Variants in CDK5RAP2 observed in about 807,000 individuals in gnomAD.
The protein encoded by CDK5RAP2 is CDK5 regulatory subunit-associated protein 2.
A neutral mutation model predicts 232.9 loss-of-function variants in CDK5RAP2; 147 were observed. The observed-to-expected ratio is 0.63, with a 90% CI of 0.55 to 0.72. The LOEUF (loss-of-function observed/expected upper bound fraction) is 0.72, where lower values mean the gene tolerates loss of function less well. Ranked by LOEUF, CDK5RAP2 falls within the 30% of genes least tolerant of loss-of-function variation. CDK5RAP2 has a pLI of 0.00. For synonymous variants in CDK5RAP2, 833 were observed against 833.7 expected, an observed-to-expected ratio of 1.00 and a Z score of 0.01; for missense variants, 2,195 against 2,231.5, an observed-to-expected ratio of 0.98 and a Z score of 0.33.
rs771627748 is a variant in CDK5RAP2, at chr9:120,453,676, A to C, written c.2573T>G (p.Val858Gly). 73 of 1,614,200 alleles carry C rather than the reference A, an allele frequency of 4.5e-5. No individual in the cohort carries two copies. Among genetic ancestry groups the C allele is most frequent in the Non-Finnish European group, 6.2e-5 (73 of 1,180,042 alleles). ...TACCTTGGGCACTTCGCCTGCCTTT[A>C]CTAGCTGGGCCTCACAAGACAACTT... ...ELKLSCEAQL[V>G]KAGEVPKVGL... The change falls in exon 21 of 38, where the codon GTA (valine) becomes GGA (glycine). Residue 858 changes from valine to glycine, a missense_variant. By Grantham distance (109) the Val-to-Gly change is moderately radical. Transcript: ENST00000349780.
intron 12 of CDK5RAP2, among the ~76,000 whole-genome samples, chr9:120,498,875 G>A (rs1381395910): frequency 1.3e-5 from 2 of 152,002 alleles, no homozygotes; most frequent in African/African-American, 2.4e-5. Context: ...AAATAAATAA[G>A]TAAATAAAAT....
chr9:120,439,492 T>C lies in CDK5RAP2; in HGVS notation c.3629A>G (p.Glu1210Gly). ...ENLKQQLEEQ[E>G]YKLQKEQNLN... is the part of the protein sequence containing the mutation. ...ATTCTGCTCCTTCTGCAGCTTGTATTCCTGTTCCTCCAGCTGCTGTTTGAG... is the reference window on the plus strand; with the variant it reads ...ATTCTGCTCCTTCTGCAGCTTGTATCCCTGTTCCTCCAGCTGCTGTTTGAG... Residue 1210 changes from glutamate to glycine, a missense_variant, in exon 24 of 38, where the codon GAA becomes GGA. By Grantham distance (98) the Glu-to-Gly change is moderately conservative. Coordinates refer to ENST00000349780, the MANE Select transcript of CDK5RAP2 (RefSeq NM_018249.6). The C allele has an allele frequency of 6.2e-7, 1 of 1,614,224 alleles. No individual in the cohort carries two copies. Among genetic ancestry groups the C allele is most frequent in the Non-Finnish European group, 8.5e-7 (1 of 1,180,024 alleles).
intron 8 of CDK5RAP2, among the ~76,000 whole-genome samples, chr9:120,529,747 G>C (rs1229225704): frequency 6.6e-6 from 1 of 152,216 alleles, no homozygotes; most frequent in Non-Finnish European, 1.5e-5. Context: ...GAGGTAAGCA[G>C]GTAGGGACTG....
intron 18 of CDK5RAP2, 141 bp from the exon 19 acceptor site, chr9:120,460,808 G>C (rs1348670826): frequency 7.1e-7 from 1 of 1,407,970 alleles, no homozygotes; most frequent in Non-Finnish European, 9.7e-7. Context: ...AAATGCCAAA[G>C]CCATGAAATA....
chr9:120,436,413 A>T (rs1377078500), intron 25 of CDK5RAP2, among the ~76,000 whole-genome samples: 1 of 152,244 alleles, frequency 6.6e-6, no homozygotes, highest in Non-Finnish European at 1.5e-5. Flanking sequence ...TGGAGACTGG[A>T]TCCCGGACCA....
At chr9:120,452,006 C>T (rs1204306199) in intron 21 of CDK5RAP2, among the ~76,000 whole-genome samples, 1 of 151,484 alleles carries the variant, frequency 6.6e-6, no homozygotes, top group African/African-American at 2.4e-5. Context: ...TAAAAAAATA[C>T]ATATTTTAAT....
chr9:120,401,610 C>CAAAAAAAAAAAAAAAAAA (rs142588120), intron 34 of CDK5RAP2, among the ~76,000 whole-genome samples: 1 of 61,532 alleles, frequency 1.6e-5, no homozygotes. Flanking sequence ...GACCCTGTCT[C>CAAAAAAAAAAAAAAAAAA]AAAAAAAAAA....
intron 29 of CDK5RAP2, 148 bp from the exon 30 acceptor site, chr9:120,409,464 T>G (rs975470213): frequency 2.4e-5 from 16 of 677,494 alleles, no homozygotes; most frequent in Non-Finnish European, 3.8e-5. Flanking sequence ...TTACACACTT[T>G]GGGCAGATAA....
Position 120,579,962 on chromosome 9 carries a change from A to G in CDK5RAP2, c.17T>C (p.Leu6Ser), listed in dbSNP as rs776935248. The G allele has an allele frequency of 3.1e-6, 5 of 1,612,438 alleles. No homozygotes were observed. The East Asian group carries it at 1.1e-4, about 36-fold the overall frequency. MMDLV[L>S]EEDVTVPGTL... ...CCCAGGGACGGTGACGTCCTCTTCC[A>G]ACACCAAGTCCATCATGGCTACAGA... Residue 6 changes from leucine (L) to serine (S), a missense_variant, in exon 1 of 38, where the codon TTG (leucine) becomes TCG (serine). Leu to Ser is a moderately radical substitution (Grantham distance 145). Transcript: ENST00000349780.
chr9:120,391,205 T>C (rs530560217), intron 36 of CDK5RAP2, among the ~76,000 whole-genome samples: 1 of 152,164 alleles, frequency 6.6e-6, no homozygotes, highest in East Asian at 1.9e-4. Context: ...TGAAGATGAT[T>C]GTGAAAGAGC....
chr9:120,459,805 C>G (rs1424306208), intron 19 of CDK5RAP2, among the ~76,000 whole-genome samples: 1 of 152,174 alleles, frequency 6.6e-6, no homozygotes, highest in African/African-American at 2.4e-5. Context: ...CTAAAACTAT[C>G]TACATTTTAA....
chr9:120,400,603 G>A, intron 35 of CDK5RAP2, 139 bp downstream of exon 35: 1 of 994,692 alleles, frequency 1.0e-6, no homozygotes, highest in South Asian at 1.5e-5. Context: ...TGAAGCCATG[G>A]CAAACGGTGC....
At chr9:120,561,679 C>A (rs1378270760) in intron 3 of CDK5RAP2, among the ~76,000 whole-genome samples, 5 of 152,172 alleles carry the variant, frequency 3.3e-5, no homozygotes, top group African/African-American at 1.2e-4. Flanking sequence ...TTTTCATATT[C>A]TTTTCAACCT....
chr9:120,503,003 C>T (rs2039644459), intron 12 of CDK5RAP2, among the ~76,000 whole-genome samples: 1 of 152,152 alleles, frequency 6.6e-6, no homozygotes, highest in African/African-American at 2.4e-5. Flanking sequence ...AGAACTAAGG[C>T]CCACAGAGGT....
intron 5 of CDK5RAP2, among the ~76,000 whole-genome samples, chr9:120,545,057 A>T (rs2041785179): frequency 1.3e-5 from 2 of 152,228 alleles, no homozygotes; most frequent in Non-Finnish European, 2.9e-5. Context: ...ACTACTTTTC[A>T]AATGTTTTTT....
chr9:120,528,627 T>C, intron 9 of CDK5RAP2, 117 bp downstream of exon 9: 1 of 734,178 alleles, frequency 1.4e-6, no homozygotes, highest in East Asian at 2.6e-5. Context: ...TGGCATACAG[T>C]AGCATTCAAT....
chr9:120,470,231 A>G lies in CDK5RAP2; in HGVS notation c.1859-11T>C. ...GTGAAAATGATTCTTCTGCCCAAAA[A>G]AGAAAAAAAAAAGGTGGGGAGGGGG... On this transcript the variant is annotated splice_polypyrimidine_tract_variant and intron_variant, in intron 16 of 37. Coordinates refer to ENST00000349780, the MANE Select transcript of CDK5RAP2 (RefSeq NM_018249.6). The G allele has an allele frequency of 7.2e-7, 1 of 1,386,866 alleles. No individual in the cohort carries two copies. Among genetic ancestry groups the G allele is most frequent in the Non-Finnish European group, 1.0e-6 (1 of 996,426 alleles). 85.9% of individuals were successfully genotyped at this position (1,386,866 alleles called of 1,614,324 possible).
At position 120,439,767 on chromosome 9, in the gene CDK5RAP2, G is replaced by C. The variant is rs748325172; in HGVS notation, c.3354C>G (p.Asp1118Glu). ...ETEYLKQKIH[D>E]LETELEGYQN... ...GGTAGCCTTCCAGCTCAGTTTCCAAGTCATGGATTTTCTGTTTTAAGTATT... is the reference window on the plus strand; with the variant it reads ...GGTAGCCTTCCAGCTCAGTTTCCAACTCATGGATTTTCTGTTTTAAGTATT... The change falls in exon 24 of 38, where the codon GAC (aspartate) becomes GAG (glutamate). Residue 1118 changes from aspartate to glutamate, a missense_variant. Coordinates refer to ENST00000349780, the MANE Select transcript of CDK5RAP2 (RefSeq NM_018249.6). 4 of 1,614,160 alleles carry C rather than the reference G, an allele frequency of 2.5e-6. No homozygotes were observed. In the South Asian group the frequency reaches 4.4e-5, roughly 18 times the overall value.
At chr9:120,496,536 A>G in intron 12 of CDK5RAP2, among the ~76,000 whole-genome samples, 1 of 145,970 alleles carries the variant, frequency 6.9e-6, no homozygotes, top group African/African-American at 2.6e-5. Context: ...CCGCCCGGCC[A>G]GCCGCCCCGT....
Sources: gnomAD v4.1 joint callset for allele counts (sites outside exome capture counted in the v4.1 genomes callset) on GRCh38, gnomAD v4.1.1 for gene constraint, MANE v1.5 for transcripts, NCBI Gene and HGNC (gene_info 2026-07-23, HGNC 2026-07-21) for gene names.